Variants in VAV2 observed in about 807,000 individuals in gnomAD.
The protein encoded by VAV2 is guanine nucleotide exchange factor VAV2.
VAV2 carries 67 observed loss-of-function variants against 132.5 expected under a neutral mutation model. The observed-to-expected ratio is 0.51, with a 90% CI of 0.42 to 0.62. The LOEUF is 0.62. VAV2 is among the 20% of genes least tolerant of loss of function. VAV2 has a pLI of 0.00. For synonymous variants in VAV2, 492 were observed against 443.5 expected (o/e 1.11, Z -1.37); for missense variants, 938 against 1,153.6 (o/e 0.81, Z 2.71).
chr9:133,785,729 T>C (rs1178771482), intron 17 of VAV2, 47 bp downstream of exon 17: 1 of 1,581,402 alleles, frequency 6.3e-7, no homozygotes, highest in Non-Finnish European at 8.7e-7. Context: ...CCACCCCCCA[T>C]ACAACTCATC....
intron 23 of VAV2, among the ~76,000 whole-genome samples, chr9:133,776,772 G>A (rs999544928): frequency 6.6e-6 from 1 of 152,094 alleles, no homozygotes; most frequent in Admixed American, 6.5e-5. Flanking sequence ...CTGGGGCTGG[G>A]GTCGGGGAGC....
intron 3 of VAV2, among the ~76,000 whole-genome samples, chr9:133,835,631 C>G (rs912470562): frequency 6.6e-6 from 1 of 152,194 alleles, no homozygotes; most frequent in South Asian, 2.1e-4. Context: ...AGGGGCTGCC[C>G]GGGCCCAGAT....
At chr9:133,920,436 G>A (rs1840257465) in intron 2 of VAV2, among the ~76,000 whole-genome samples, 1 of 152,216 alleles carries the variant, frequency 6.6e-6, no homozygotes, top group Non-Finnish European at 1.5e-5. Context: ...GGCTGGCCCA[G>A]AACCACACCA....
intron 1 of VAV2, 65 bp from the exon 2 acceptor site, chr9:133,939,284 C>T (rs1289046039): frequency 1.8e-5 from 26 of 1,408,524 alleles, no homozygotes; most frequent in South Asian, 1.5e-4. Flanking sequence ...CTGTAAAAAC[C>T]GTAACAGCAA....
intron 2 of VAV2, among the ~76,000 whole-genome samples, chr9:133,887,160 G>A (rs1838745498): frequency 6.6e-6 from 1 of 152,196 alleles, no homozygotes; most frequent in Admixed American, 6.5e-5. Flanking sequence ...GGGGCCATCT[G>A]CTGGGCCCAT....
chr9:133,791,906 G>C, intron 12 of VAV2, 37 bp from the exon 13 acceptor site: 2 of 1,571,910 alleles, frequency 1.3e-6, no homozygotes, highest in Non-Finnish European at 8.7e-7. Flanking sequence ...GGGCTGTGCT[G>C]GGTGGGGTGT....
intron 21 of VAV2, among the ~76,000 whole-genome samples, chr9:133,779,499 C>CT (rs1833930711): frequency 3.9e-5 from 6 of 152,254 alleles, no homozygotes; most frequent in Admixed American, 3.9e-4. Flanking sequence ...GGACTGCACT[C>CT]AAGTTTGCAG....
intron 3 of VAV2, among the ~76,000 whole-genome samples, chr9:133,859,805 T>G (rs7027267): frequency 0.014 from 2,075 of 152,244 alleles, 43 homozygotes; most frequent in African/African-American, 0.047. Context: ...CAATTAAACA[T>G]GTTTTAAACG....
chr9:133,874,337 C>T (rs766660830), intron 2 of VAV2, among the ~76,000 whole-genome samples: 8 of 152,146 alleles, frequency 5.3e-5, no homozygotes, highest in Non-Finnish European at 1.0e-4. Flanking sequence ...CATCACTCAG[C>T]GCTGCTGTGG....
chr9:133,966,014 C>T (rs1302855985), intron 1 of VAV2, among the ~76,000 whole-genome samples: 1 of 152,118 alleles, frequency 6.6e-6, no homozygotes, highest in East Asian at 1.9e-4. Context: ...AACAAAGGCA[C>T]CAAGAACATT....
chr9:133,876,018 G>A (rs1484926084), intron 2 of VAV2, among the ~76,000 whole-genome samples: 1 of 152,218 alleles, frequency 6.6e-6, no homozygotes, highest in Non-Finnish European at 1.5e-5. Flanking sequence ...CTCGGACATC[G>A]ACGCTCGTCG....
At chr9:133,781,482 G>T (rs1204239269) in intron 19 of VAV2, among the ~76,000 whole-genome samples, 2 of 151,606 alleles carry the variant, frequency 1.3e-5, no homozygotes, top group African/African-American at 4.9e-5. Context: ...AGTGGGCAGG[G>T]GTCAGGGGTG....
chr9:133,926,838 T>A lies in VAV2; in HGVS notation c.321+12265A>T, dbSNP rs1039586381. ...CTGCATGTCCTGGCACCAGCTGAGC[T>A]AAGCAGAGCACACAGAAGCAGAGAG... On this transcript the variant is annotated intron_variant, in intron 2 of 29. Transcript: ENST00000371850. The surrounding 1 kb of genome is among the most constrained non-coding windows in gnomAD (Gnocchi z 4.3). Among the ~76,000 whole-genome samples, 10 of 152,144 alleles carry A rather than the reference T, an allele frequency of 6.6e-5. No individual in the cohort carries two copies. Among genetic ancestry groups the A allele is most frequent in the Admixed American group, 4.6e-4 (7 of 15,280 alleles).
intron 3 of VAV2, among the ~76,000 whole-genome samples, chr9:133,853,976 G>T (rs545668914): frequency 6.6e-6 from 1 of 152,146 alleles, no homozygotes; most frequent in Non-Finnish European, 1.5e-5. Flanking sequence ...GGAGCTCCCA[G>T]TGCAGAGATG....
In VAV2 at chr9:133,809,032, G is replaced by T. The variant is rs775430307; in HGVS notation, c.666+8C>A. 1.9e-6 allele frequency: 3 copies of T among 1,612,606 alleles called. No individual in the cohort carries two copies. The South Asian group carries it at 3.3e-5, about 18-fold the overall frequency. On this transcript the variant is annotated splice_region_variant and intron_variant, in intron 7 of 29. Transcript: ENST00000371850. ...TGCCATTTTCCAGTGGCCGCCATCT[G>T]CCCTCACCTTCTCAATGTCCTCCAG...
intron 1 of VAV2, among the ~76,000 whole-genome samples, chr9:133,940,306 G>A (rs1841091183): frequency 6.6e-6 from 1 of 152,186 alleles, no homozygotes; most frequent in Admixed American, 6.5e-5. Context: ...AGCCCAATAA[G>A]AGCCCAGGAT....
intron 1 of VAV2, among the ~76,000 whole-genome samples, chr9:133,949,576 G>A (rs192459276): frequency 2.6e-5 from 4 of 152,308 alleles, no homozygotes; most frequent in African/African-American, 9.6e-5. Context: ...CCCTCGAATG[G>A]CGGGTCACCT....
At chr9:133,920,428 C>G (rs1030935641) in intron 2 of VAV2, among the ~76,000 whole-genome samples, 3 of 152,224 alleles carry the variant, frequency 2.0e-5, no homozygotes, top group Non-Finnish European at 2.9e-5. Context: ...CGGTGCTGGG[C>G]TGGCCCAGAA....
At chr9:133,842,440 G>A (rs1386151341) in intron 3 of VAV2, among the ~76,000 whole-genome samples, 1 of 152,216 alleles carries the variant, frequency 6.6e-6, no homozygotes, top group Non-Finnish European at 1.5e-5. Context: ...CTAAGGGAGC[G>A]CCCTCGGCCT....
Sources: gnomAD v4.1 joint callset for allele counts (sites outside exome capture counted in the v4.1 genomes callset) on GRCh38, gnomAD v4.1.1 for gene constraint, Gnocchi (gnomAD v3.1) non-coding constraint, MANE v1.5 for transcripts, NCBI Gene and HGNC (gene_info 2026-07-23, HGNC 2026-07-21) for gene names.